The following CCDC171 variants were observed in gnomAD, a reference collection of about 807,000 sequenced individuals.
CCDC171 encodes the protein coiled-coil domain-containing protein 171.
In CCDC171, 177 loss-of-function variants were observed where a neutral mutation model predicts 168.2. That is an observed-to-expected ratio of 1.05 (90% CI 0.93 to 1.19). CCDC171 has a LOEUF of 1.19. Ranked by LOEUF, CCDC171 falls within the 50% of genes most tolerant of loss-of-function variation. The pLI is 0.00. For missense variants in CCDC171, 1,991 were observed against 1,539.0 expected, an observed-to-expected ratio of 1.29 and a Z score of -4.91; for synonymous variants, 687 against 540.8, an observed-to-expected ratio of 1.27 and a Z score of -3.75.
At chr9:15,639,193 ATG>A (rs1465994320) in intron 7 of CCDC171, among the ~76,000 whole-genome samples, 1 of 152,054 alleles carries the variant, frequency 6.6e-6, no homozygotes, top group African/African-American at 2.4e-5. Context: ...TAAAGCCATC[ATG>A]TGTTTGTAGG....
chr9:15,862,171 T>C, intron 23 of CCDC171, among the ~76,000 whole-genome samples: 1 of 43,242 alleles, frequency 2.3e-5, no homozygotes, highest in East Asian at 2.8e-3. Context: ...AATTCTCTTT[T>C]TTTGAATTAA....
intron 21 of CCDC171, among the ~76,000 whole-genome samples, chr9:15,821,993 C>A (rs1339001869): frequency 6.6e-6 from 1 of 152,076 alleles, no homozygotes; most frequent in Non-Finnish European, 1.5e-5. Flanking sequence ...GAGATATAGA[C>A]CCCGGAACAC....
chr9:15,904,942 T>G (rs1483410223), intron 24 of CCDC171, among the ~76,000 whole-genome samples: 3 of 151,488 alleles, frequency 2.0e-5, no homozygotes, highest in African/African-American at 7.3e-5. Flanking sequence ...TACATAATGG[T>G]AAAGGGATCA....
chr9:16,106,690 A>T, the CCDC171 span, among the ~76,000 whole-genome samples: 1 of 152,246 alleles, frequency 6.6e-6, no homozygotes, highest in South Asian at 2.1e-4. Context: ...TATTTAATTG[A>T]GAGTCATCTT....
chr9:15,838,974 A>T (rs560647683), intron 21 of CCDC171, among the ~76,000 whole-genome samples: 28 of 152,212 alleles, frequency 1.8e-4, no homozygotes, highest in Non-Finnish European at 3.5e-4. Context: ...GTTGTTGCCA[A>T]CTTATAAAGG....
At position 15,972,914 on chromosome 9, in the gene CCDC171, A is replaced by G. The variant is rs191518141; in HGVS notation, c.*1078A>G. 11 of 152,254 alleles carry G rather than the reference A, an allele frequency of 7.2e-5. No individual in the cohort carries two copies. The highest frequency in any genetic ancestry group is 5.9e-5 in the Non-Finnish European group (4 of 68,034). 9.4% of individuals were successfully genotyped at this position (152,254 alleles called of 1,614,324 possible). The stretch of plus-strand genomic sequence containing the variant: ...TCAAATATCAAATAATAGGTCAAGC[A>G]GGAAGGAGCTGAGTTCTAACCACAA... On this transcript the variant is annotated 3_prime_UTR_variant, in exon 26 of 26. Transcript: ENST00000380701.
chr9:15,743,825 TG>T (rs887964812), intron 16 of CCDC171, among the ~76,000 whole-genome samples: 1 of 152,220 alleles, frequency 6.6e-6, no homozygotes, highest in Non-Finnish European at 1.5e-5. Flanking sequence ...TTGAACCGGT[TG>T]CTTATTTTGG....
chr9:16,059,753 A>T (rs1833903581), intron 1 of CCDC171, among the ~76,000 whole-genome samples: 1 of 150,244 alleles, frequency 6.7e-6, no homozygotes, highest in Non-Finnish European at 1.5e-5. Context: ...TGACCTCATG[A>T]TCCACCCGCC....
intron 23 of CCDC171, among the ~76,000 whole-genome samples, chr9:15,857,771 G>T (rs2061402273): frequency 6.6e-6 from 1 of 151,760 alleles, no homozygotes. Context: ...AACACTCTTT[G>T]TTGAAGGAAA....
intron 25 of CCDC171, among the ~76,000 whole-genome samples, chr9:15,969,799 C>G (rs957507945): frequency 6.6e-6 from 1 of 152,146 alleles, no homozygotes. Flanking sequence ...ATGTTTATAG[C>G]TGCAAAGTCA....
Position 15,598,428 on chromosome 9 carries a change from G to C in CCDC171, c.675+4256G>C, listed in dbSNP as rs1376077244. Among the ~76,000 whole-genome samples, 6 of 152,076 alleles carry C rather than the reference G, an allele frequency of 3.9e-5. No homozygotes were observed. The South Asian group carries it at 8.3e-4, about 21-fold the overall frequency. ...TGTACCCAGCAGTCATTCAGGAGTA[G>C]GTTGTTCAGTTTCCATGTAGTTGAG... On this transcript the variant is annotated intron_variant, in intron 6 of 25. Coordinates refer to ENST00000380701, the MANE Select transcript of CCDC171 (RefSeq NM_173550.4).
chr9:15,937,432 A>C lies in CCDC171; in HGVS notation c.3753+17010A>C, dbSNP rs116055167. Among the ~76,000 whole-genome samples the C allele has an allele frequency of 8.4e-3, 1,277 of 152,102 alleles. 16 individuals are homozygous for C. Among genetic ancestry groups the C allele is most frequent in the African/African-American group, 0.029 (1,217 of 41,542 alleles). ...ACCTTCCAGGGAAGTAAAAGTTGTA[A>C]TAATTAGATGATTCCAATACTTTAG... On this transcript the variant is annotated intron_variant, in intron 25 of 25. Transcript: ENST00000380701.
intron 25 of CCDC171, among the ~76,000 whole-genome samples, chr9:15,935,672 A>G (rs1370361156): frequency 1.3e-5 from 2 of 152,062 alleles, no homozygotes; most frequent in African/African-American, 4.8e-5. Context: ...ATAAATCCCC[A>G]AAGTAATAAA....
At chr9:16,018,180 G>A (rs3008711) in intron 3 of CCDC171, among the ~76,000 whole-genome samples, 152,210 of 152,336 alleles carry the variant, frequency 1, 76,042 homozygotes, top group Middle Eastern at 1. Flanking sequence ...ATGCTTGTTA[G>A]CCTATTAGAT....
At chr9:15,750,265 C>G (rs900123114) in intron 18 of CCDC171, among the ~76,000 whole-genome samples, 1 of 151,984 alleles carries the variant, frequency 6.6e-6, no homozygotes, top group Non-Finnish European at 1.5e-5. Flanking sequence ...CAAGACTAAA[C>G]CAGGAAGAAG....
At chr9:16,102,482 G>A in the CCDC171 span, among the ~76,000 whole-genome samples, 8 of 133,088 alleles carry the variant, frequency 6.0e-5, no homozygotes, top group East Asian at 8.5e-4. Context: ...AAGGATAAAC[G>A]TGTGTTGGGG....
chr9:15,782,997 G>C (rs997572888), intron 20 of CCDC171, among the ~76,000 whole-genome samples: 4 of 152,128 alleles, frequency 2.6e-5, no homozygotes, highest in African/African-American at 7.2e-5. Context: ...TTAGACATCT[G>C]TTTTTATGCT....
Position 15,912,224 on chromosome 9 carries a change from T to C in CCDC171, c.3601-8046T>C, listed in dbSNP as rs147104714. On this transcript the variant is annotated intron_variant, in intron 24 of 25. Coordinates refer to ENST00000380701, the MANE Select transcript of CCDC171 (RefSeq NM_173550.4). ...TCTGTTTGTGTCCTTTCTTATTTCCTTGAGCGGTGGTTTGTAGTTCTCCTT... is the reference window on the plus strand; with the variant it reads ...TCTGTTTGTGTCCTTTCTTATTTCCCTGAGCGGTGGTTTGTAGTTCTCCTT... Among the ~76,000 whole-genome samples the C allele has an allele frequency of 1.4e-3, 211 of 152,354 alleles. 5 individuals are homozygous for C. The East Asian group carries it at 0.039, about 28-fold the overall frequency.
chr9:15,737,312 A>G lies in CCDC171; in HGVS notation c.2050-6961A>G, dbSNP rs529940904. On this transcript the variant is annotated intron_variant, in intron 16 of 25. Coordinates refer to ENST00000380701, the MANE Select transcript of CCDC171 (RefSeq NM_173550.4). ...TAATTGGGGAGATACATGAAAAAGTAAATAATACAAGGTTTATCATAGGCT... is the reference window on the plus strand; with the variant it reads ...TAATTGGGGAGATACATGAAAAAGTGAATAATACAAGGTTTATCATAGGCT... Among the ~76,000 whole-genome samples, 11 of 152,326 alleles carry G rather than the reference A, an allele frequency of 7.2e-5. No individual in the cohort carries two copies. The South Asian group carries it at 1.7e-3, about 23-fold the overall frequency.
Sources: allele counts gnomAD v4.1 joint callset (sites outside exome capture counted in the v4.1 genomes callset), GRCh38; gene constraint gnomAD v4.1.1; transcripts MANE v1.5; gene names NCBI Gene and HGNC (gene_info 2026-07-23, HGNC 2026-07-21).